BTG4: variants seen among roughly 807,000 people sequenced by gnomAD.
BTG4 encodes BTG anti-proliferation factor 4, also known as protein BTG4.
A neutral mutation model predicts 19.3 loss-of-function variants in BTG4; 10 were observed. The observed-to-expected ratio is 0.52, with a 90% CI of 0.32 to 0.88. The LOEUF (loss-of-function observed/expected upper bound fraction) is 0.88. Ranked by LOEUF, BTG4 falls within the 40% of genes least tolerant of loss-of-function variation. The pLI is 0.04. For synonymous variants in BTG4, 91 were observed against 95.7 expected, an observed-to-expected ratio of 0.95 and a Z score of 0.29; for missense variants, 238 against 281.9, an observed-to-expected ratio of 0.84 and a Z score of 1.11.
chr11:111,497,020 C>T (rs1376510947), intron 4 of BTG4, 191 bp downstream of exon 4: 2 of 448,328 alleles, frequency 4.5e-6, no homozygotes, highest in Non-Finnish European at 7.8e-6. Context: ...AAAAGCTCAG[C>T]CAAGTGTAGG....
At chr11:111,437,187 C>A in the BTG4 span, among the ~76,000 whole-genome samples, 12 of 151,972 alleles carry the variant, frequency 7.9e-5, no homozygotes, top group African/African-American at 2.7e-4. Context: ...CACGGTGTTC[C>A]AAAGAGCAAT....
exon 6 of BTG4, chr11:111,467,534 GT>G: frequency 1.7e-6 from 1 of 597,028 alleles, no homozygotes; most frequent in South Asian, 2.4e-5. Flanking sequence ...GATAGGTTTG[GT>G]TTTGTTTTTT....
At chr11:111,419,690 G>A in the BTG4 span, among the ~76,000 whole-genome samples, 17 of 152,352 alleles carry the variant, frequency 1.1e-4, no homozygotes, top group Admixed American at 5.9e-4. Context: ...TACCAGCAGC[G>A]GGTCTCTGAC....
intron 1 of BTG4, among the ~76,000 whole-genome samples, chr11:111,502,106 C>A (rs1866121790): frequency 1.3e-5 from 2 of 152,036 alleles, no homozygotes; most frequent in Non-Finnish European, 2.9e-5. Flanking sequence ...TTTAAAAATA[C>A]CAATGTCTGC....
upstream of BTG4, among the ~76,000 whole-genome samples, chr11:111,512,785 G>A (rs924617957): frequency 2.0e-5 from 3 of 151,918 alleles, no homozygotes; most frequent in Admixed American, 6.6e-5. Context: ...GCGCTGCGAG[G>A]CCGGCGGGGG....
At chr11:111,480,348 C>G (rs771694879) in intron 5 of BTG4, among the ~76,000 whole-genome samples, 2 of 151,952 alleles carry the variant, frequency 1.3e-5, no homozygotes, top group Non-Finnish European at 2.9e-5. Flanking sequence ...CACAGAGAAA[C>G]GGACAAATCA....
downstream of BTG4, among the ~76,000 whole-genome samples, chr11:111,493,077 C>T (rs1379106529): frequency 2.0e-5 from 3 of 152,066 alleles, no homozygotes; most frequent in East Asian, 1.9e-4. Context: ...ACCTGGGAGG[C>T]GGAGGTTGCA....
chr11:111,395,296 G>T, the BTG4 span, among the ~76,000 whole-genome samples: 8 of 152,202 alleles, frequency 5.3e-5, no homozygotes, highest in African/African-American at 1.9e-4. Context: ...AGCCCCGGTG[G>T]ACTGTCACCT....
the BTG4 span, among the ~76,000 whole-genome samples, chr11:111,442,508 G>GTA: frequency 0.012 from 812 of 68,284 alleles, 7 homozygotes; most frequent in African/African-American, 0.027. Context: ...CAAAAAAAAT[G>GTA]TATACACACA....
the BTG4 span, among the ~76,000 whole-genome samples, chr11:111,432,329 C>T: frequency 2.0e-5 from 3 of 152,108 alleles, no homozygotes; most frequent in Non-Finnish European, 2.9e-5. Context: ...GAATTACAAT[C>T]CAACAATTAA....
At chr11:111,512,898 G>A (rs72550777), upstream of BTG4, 913 of 429,454 alleles carry the variant, frequency 2.1e-3, 11 homozygotes, top group African/African-American at 0.017. Context: ...CCCCGCGTCG[G>A]CGCTGCGGAC....
intron 1 of BTG4, among the ~76,000 whole-genome samples, chr11:111,499,768 T>C (rs1865954862): frequency 1.3e-5 from 2 of 152,230 alleles, no homozygotes; most frequent in African/African-American, 4.8e-5. Flanking sequence ...GGAAGAGATC[T>C]GAGTTTATCT....
At chr11:111,384,721 T>G in the BTG4 span, 3 of 152,158 alleles carry the variant, frequency 2.0e-5, no homozygotes, top group Non-Finnish European at 4.4e-5. Context: ...GCAAGAACTA[T>G]GAGAGCAAAA....
At chr11:111,512,880 G>T (rs1359428273), upstream of BTG4, 4 of 422,652 alleles carry the variant, frequency 9.5e-6, no homozygotes, top group Non-Finnish European at 1.9e-5. Context: ...GTCCGAGGCG[G>T]GCCCCGACCC....
rs555599156 is a variant in BTG4, at chr11:111,473,073, C to A, written c.663-5392G>T. Among the ~76,000 whole-genome samples, 6 of 150,232 alleles carry A rather than the reference C, an allele frequency of 4.0e-5. No homozygotes were observed. The East Asian group carries it at 7.8e-4, about 19-fold the overall frequency. On this transcript the variant is annotated intron_variant, in intron 5 of 5. Transcript: ENST00000356018. ...AACTTATGGATGAGGAAACCGAGGC[C>A]TAGAAGTGAAAAAAAAAAAAACACC...
At chr11:111,399,861 G>A in the BTG4 span, among the ~76,000 whole-genome samples, 1 of 152,190 alleles carries the variant, frequency 6.6e-6, no homozygotes, top group Non-Finnish European at 1.5e-5. Flanking sequence ...AGACTGAGAG[G>A]TCCTTCTGCC....
upstream of BTG4, chr11:111,514,715 C>T (rs1205631705): frequency 6.5e-6 from 8 of 1,223,360 alleles, no homozygotes; most frequent in Non-Finnish European, 8.9e-6. Context: ...CTTGGCGGTT[C>T]TCGGAGGGGC....
At chr11:111,475,469 T>C (rs1324948431) in intron 5 of BTG4, 1 of 152,098 alleles carries the variant, frequency 6.6e-6, no homozygotes, top group African/African-American at 2.4e-5. Flanking sequence ...GATGGATATA[T>C]ATATATAATA....
chr11:111,423,555 A>G, the BTG4 span, among the ~76,000 whole-genome samples: 2 of 152,054 alleles, frequency 1.3e-5, no homozygotes, highest in South Asian at 2.1e-4. Flanking sequence ...CCCCTCCCCA[A>G]AGGAATTCTT....
Sources: gnomAD v4.1 joint callset for allele counts (sites outside exome capture counted in the v4.1 genomes callset) on GRCh38, gnomAD v4.1.1 for gene constraint, MANE v1.5 for transcripts, NCBI Gene and HGNC (gene_info 2026-07-23, HGNC 2026-07-21) for gene names.